The following KIRREL3 variants were observed in gnomAD, a reference collection of about 807,000 sequenced individuals.
The protein encoded by KIRREL3 is kin of IRRE-like protein 3.
In KIRREL3, 36 loss-of-function variants were observed where a neutral mutation model predicts 89.7. That is an observed-to-expected ratio of 0.40 (90% confidence interval 0.31 to 0.53). The LOEUF (loss-of-function observed/expected upper bound fraction) is 0.53. KIRREL3 is among the 20% of genes least tolerant of loss of function. The probability of loss-of-function intolerance (pLI) is 0.49; values close to 1 mark genes in which losing one functional copy is unlikely to be tolerated. For missense variants in KIRREL3, 864 were observed against 1,056.6 expected (o/e 0.82, Z 2.53); for synonymous variants, 445 against 441.4 (o/e 1.01, Z -0.10).
chr11:126,752,410 T>A lies in KIRREL3; in HGVS notation c.56-189498A>T, dbSNP rs1331355839. Among the ~76,000 whole-genome samples, 1 of 152,226 alleles carries A rather than the reference T, an allele frequency of 6.6e-6. No homozygotes were observed. Among genetic ancestry groups the A allele is most frequent in the African/African-American group, 2.4e-5 (1 of 41,458 alleles). On this transcript the variant is annotated intron_variant, in intron 1 of 16. Coordinates refer to ENST00000525144, the MANE Select transcript of KIRREL3 (RefSeq NM_032531.4). This position sits in a 1 kb window ranked among gnomAD's most constrained non-coding sequence, Gnocchi z 4.8. ...AGTTCAAGGGATCCTAGATGCTAAC[T>A]GGATGATGAGTTAATTATGTAGCTA...
chr11:126,902,973 C>T (rs918483919), intron 1 of KIRREL3, among the ~76,000 whole-genome samples: 5 of 152,224 alleles, frequency 3.3e-5, no homozygotes, highest in Admixed American at 2.6e-4. Context: ...ATTACTTCAT[C>T]TGAATAATAC....
intron 1 of KIRREL3, among the ~76,000 whole-genome samples, chr11:126,693,439 A>AAACAAAAAAAC (rs1295634939): frequency 7.2e-5 from 11 of 152,152 alleles, no homozygotes; most frequent in African/African-American, 2.4e-4. Flanking sequence ...ACAAACAAAC[A>AAACAAAAAAAC]AACAAAAAAA....
intron 1 of KIRREL3, among the ~76,000 whole-genome samples, chr11:126,813,142 A>G (rs1951443388): frequency 6.6e-6 from 1 of 152,204 alleles, no homozygotes; most frequent in South Asian, 2.1e-4. Flanking sequence ...GGTAGAAAAA[A>G]TTTAGTGAAA....
chr11:126,625,554 T>C (rs635992), intron 1 of KIRREL3, among the ~76,000 whole-genome samples: 140,490 of 152,232 alleles, frequency 0.92, 65,018 homozygotes, highest in East Asian at 1. Context: ...GCATGAAGAC[T>C]TCCATCAGCC....
chr11:126,815,415 A>G (rs1023549396), intron 1 of KIRREL3, among the ~76,000 whole-genome samples: 1 of 152,212 alleles, frequency 6.6e-6, no homozygotes, highest in Admixed American at 6.5e-5. Flanking sequence ...ATTTCTCTGT[A>G]ACACGGGGAA....
rs531758188 is a variant in KIRREL3 at position 126,424,131 on chromosome 11, TC to T, written c.*448del. 280 of 193,672 alleles carry T rather than the reference TC, an allele frequency of 1.4e-3. 2 individuals carry two copies. The highest frequency in any genetic ancestry group is 5.9e-3 in the African/African-American group (256 of 43,528). 12.0% of individuals were successfully genotyped at this position (193,672 alleles called of 1,614,324 possible). ...GCAGCTCAGTGCTGGGAAGACGTCA[TC>T]CCCTTCTCCCCAGGGCTGTATGGGA... On this transcript the variant is annotated 3_prime_UTR_variant, in exon 17 of 17. Transcript: ENST00000525144.
At chr11:126,572,549 A>G (rs1247401533) in intron 1 of KIRREL3, among the ~76,000 whole-genome samples, 3 of 135,804 alleles carry the variant, frequency 2.2e-5, no homozygotes, top group African/African-American at 8.4e-5. Context: ...GCTGACCAGC[A>G]GAGACCCCAG....
chr11:126,935,311 TAAAAAAAA>T (rs35209204), intron 1 of KIRREL3: 1 of 133,862 alleles, frequency 7.5e-6, no homozygotes, highest in African/African-American at 2.8e-5. Flanking sequence ...GTGTGGCAGT[TAAAAAAAA>T]AAAAAAAAGA....
rs1944083937 is a variant in KIRREL3, at chr11:126,844,771, G to A, written c.55+155684C>T. Among the ~76,000 whole-genome samples, 1 of 152,146 alleles carries A rather than the reference G, an allele frequency of 6.6e-6. No individual in the cohort carries two copies. The highest frequency in any genetic ancestry group is 1.5e-5 in the Non-Finnish European group (1 of 68,026). On this transcript the variant is annotated intron_variant, in intron 1 of 16. Transcript: ENST00000525144. The surrounding 1 kb of genome is among the most constrained non-coding windows in gnomAD (Gnocchi z 4.8). ...CTTGGCACTCTTTGCTGAAGGCTAT[G>A]GGTGACAGAGTTAAGCATGTATAGG...
At chr11:126,543,081 C>A (rs1437834159) in intron 2 of KIRREL3, among the ~76,000 whole-genome samples, 1 of 152,184 alleles carries the variant, frequency 6.6e-6, no homozygotes, top group East Asian at 1.9e-4. Flanking sequence ...GTGAATATAC[C>A]CTCCCAATTC....
At chr11:126,770,105 C>A (rs141465437) in intron 1 of KIRREL3, among the ~76,000 whole-genome samples, 1 of 152,128 alleles carries the variant, frequency 6.6e-6, no homozygotes, top group East Asian at 1.9e-4. Context: ...TGCAGTTCAA[C>A]TTAGAACAGG....
rs1285302615 is a variant in KIRREL3 at position 126,516,315 on chromosome 11, G to C, written c.433+5000C>G. Among the ~76,000 whole-genome samples the C allele has an allele frequency of 6.6e-6, 1 of 152,126 alleles. No individual in the cohort carries two copies. The highest frequency in any genetic ancestry group is 1.5e-5 in the Non-Finnish European group (1 of 68,028). On this transcript the variant is annotated intron_variant, in intron 4 of 16. Transcript: ENST00000525144. This position sits in a 1 kb window ranked among gnomAD's most constrained non-coding sequence, Gnocchi z 4.9. ...CAGGAAGAAGAGGGAAATGAGGAGG[G>C]AGACTGGGAAAAATGCCCCTCTTAA...
rs1459283457 is a variant in KIRREL3, at chr11:126,568,625, C to A, written c.56-5713G>T. 6.6e-6 allele frequency among the ~76,000 whole-genome samples: 1 copy of A among 152,162 alleles called. No homozygotes were observed. Among genetic ancestry groups the A allele is most frequent in the Non-Finnish European group, 1.5e-5 (1 of 68,032 alleles). ...ACTAACAGAGCTGGCTGGAGCCATG[C>A]TCCAGCACTTACCAGTGAGCAACTC... On this transcript the variant is annotated intron_variant, in intron 1 of 16. Coordinates refer to ENST00000525144, the MANE Select transcript of KIRREL3 (RefSeq NM_032531.4). This position sits in a 1 kb window ranked among gnomAD's most constrained non-coding sequence, Gnocchi z 4.6.
In KIRREL3 at chr11:126,521,517, C is replaced by A; in HGVS notation, c.284-53G>T. On this transcript the variant is annotated intron_variant, in intron 3 of 16. Transcript: ENST00000525144. This position sits in a 1 kb window ranked among gnomAD's most constrained non-coding sequence, Gnocchi z 4.1. ...GCTGGGGTGGGGTGGAGGGGACACC[C>A]ATGACAAAGAGGCACAGAATGGAGG... is the stretch of plus-strand genomic sequence containing the variant. The A allele has an allele frequency of 6.6e-7, 1 of 1,504,306 alleles. No individual in the cohort carries two copies. Among genetic ancestry groups the A allele is most frequent in the Non-Finnish European group, 9.0e-7 (1 of 1,115,820 alleles). 93.2% of individuals were successfully genotyped at this position (1,504,306 alleles called of 1,614,324 possible). A position where few individuals can be genotyped will look rare whatever the true frequency, so the allele number is the denominator to read the frequency against.
rs1486060200 is a variant in KIRREL3, at chr11:126,485,846, C to T, written c.434-12380G>A. On this transcript the variant is annotated intron_variant, in intron 4 of 16. Transcript: ENST00000525144. The surrounding 1 kb of genome is among the most constrained non-coding windows in gnomAD (Gnocchi z 5.8). ...CAAGGAGGTCACAGACCCAAAGATCCCACAGCTGTACAGGTCTGATGGGCA... is the reference window on the plus strand; with the variant it reads ...CAAGGAGGTCACAGACCCAAAGATCTCACAGCTGTACAGGTCTGATGGGCA... 6.6e-6 allele frequency among the ~76,000 whole-genome samples: 1 copy of T among 152,172 alleles called. No individual in the cohort carries two copies.
At chr11:126,881,283 G>C (rs1945482918) in intron 1 of KIRREL3, among the ~76,000 whole-genome samples, 3 of 152,050 alleles carry the variant, frequency 2.0e-5, no homozygotes. Flanking sequence ...GCTTCTTTTT[G>C]GGGCCAGCAG....
In KIRREL3 at chr11:126,429,970, A is replaced by G. The variant is rs185946538; in HGVS notation, c.1697-682T>C. 3.3e-5 allele frequency among the ~76,000 whole-genome samples: 5 copies of G among 150,004 alleles called. No homozygotes were observed. Among genetic ancestry groups the G allele is most frequent in the African/African-American group, 1.2e-4 (5 of 40,594 alleles). ...GCCAACATGGTGAAACCCCGTCTCT[A>G]TTAAAAATCCAAAAATTAGCTGGGC... On this transcript the variant is annotated intron_variant, in intron 14 of 16. Transcript: ENST00000525144. This position sits in a 1 kb window ranked among gnomAD's most constrained non-coding sequence, Gnocchi z 5.2.
In KIRREL3 at chr11:126,641,814, C is replaced by G. The variant is rs1392480393; in HGVS notation, c.56-78902G>C. Among the ~76,000 whole-genome samples, 1 of 152,148 alleles carries G rather than the reference C, an allele frequency of 6.6e-6. No homozygotes were observed. Among genetic ancestry groups the G allele is most frequent in the Non-Finnish European group, 1.5e-5 (1 of 68,024 alleles). On this transcript the variant is annotated intron_variant, in intron 1 of 16. Transcript: ENST00000525144. The surrounding 1 kb of genome is among the most constrained non-coding windows in gnomAD (Gnocchi z 5.0). The stretch of plus-strand genomic sequence containing the variant: ...CATATGTGAGAACTCAGAGTAAATC[C>G]AATTCCATCTAAAACCACGTAATAC...
At position 126,424,617 on chromosome 11, in the gene KIRREL3, C is replaced by T; in HGVS notation, c.2300G>A (p.Ser767Asn). The change falls in exon 17 of 17, where the codon AGT (serine) becomes AAT (asparagine). Residue 767 changes from serine (S) to asparagine (N), a missense_variant. Transcript: ENST00000525144. ...CTGCATCCGCCGCTGCAGGGGTCGA[C>T]TGGGGTCAGAGTTCTGGGACGAGGA... ...SQSSSQNSDP[S>N]RPLQRRMQTH... 6.2e-7 allele frequency: 1 copy of T among 1,614,024 alleles called. No individual in the cohort carries two copies. The highest frequency in any genetic ancestry group is 1.3e-5 in the African/African-American group (1 of 75,060).
Sources: gnomAD v4.1 joint callset for allele counts (sites outside exome capture counted in the v4.1 genomes callset) on GRCh38, gnomAD v4.1.1 for gene constraint, Gnocchi (gnomAD v3.1) non-coding constraint, MANE v1.5 for transcripts, NCBI Gene and HGNC (gene_info 2026-07-23, HGNC 2026-07-21) for gene names.